The following ANKRD37 variants were observed in gnomAD, a reference collection of about 807,000 sequenced individuals.
The protein encoded by ANKRD37 is ankyrin repeat domain-containing protein 37.
A neutral mutation model predicts 19.7 loss-of-function variants in ANKRD37; 17 were observed. That is an observed-to-expected ratio of 0.86 (90% CI 0.59 to 1.29). The LOEUF is 1.29. Ranked by LOEUF, ANKRD37 falls within the 50% of genes most tolerant of loss-of-function variation. ANKRD37 has a pLI of 0.00. For missense variants in ANKRD37, 207 were observed against 190.4 expected, an observed-to-expected ratio of 1.09 and a Z score of -0.51; for synonymous variants, 79 against 74.5, an observed-to-expected ratio of 1.06 and a Z score of -0.31.
intron 2 of ANKRD37, among the ~76,000 whole-genome samples, chr4:185,398,631 T>A (rs1580039302): frequency 6.6e-6 from 1 of 152,172 alleles, no homozygotes; most frequent in East Asian, 1.9e-4. Flanking sequence ...GTAGTGTTTT[T>A]AATTAGAAGA....
chr4:185,396,855 G>C lies in ANKRD37; in HGVS notation c.-69G>C, dbSNP rs1166868966. The C allele has an allele frequency of 6.5e-7, 1 of 1,539,406 alleles. No homozygotes were observed. The highest frequency in any genetic ancestry group is 8.9e-7 in the Non-Finnish European group (1 of 1,117,736). ...AGGGCCAGCCTGCGCATTCTTACCT[G>C]TCGGGGTGCGGCGAGTGTCTCACCT... On this transcript the variant is annotated 5_prime_UTR_variant, in exon 1 of 5. Coordinates refer to ENST00000335174, the MANE Select transcript of ANKRD37 (RefSeq NM_181726.4).
chr4:185,399,693 C>CA lies in ANKRD37; in HGVS notation c.397dup (p.Arg133LysfsTer3), dbSNP rs1227509005. ...CAATAAAAGCAAGTGAACACCCTGACAGGAATGATTGTGTTGCCGTGCTCA... is the reference window on the plus strand; with the variant it reads ...CAATAAAAGCAAGTGAACACCCTGACAAGGAATGATTGTGTTGCCGTGCTCA... On this transcript the variant is annotated frameshift_variant, in exon 4 of 5. Transcript: ENST00000335174. LOFTEE classifies it high-confidence loss of function. 1 of 1,614,140 alleles carries CA rather than the reference C, an allele frequency of 6.2e-7. No individual in the cohort carries two copies. The highest frequency in any genetic ancestry group is 1.3e-5 in the African/African-American group (1 of 75,028).
rs1288276693 is a variant in ANKRD37 at position 185,397,191 on chromosome 4, C to G, written c.69C>G (p.Val23=). 7.4e-6 allele frequency: 12 copies of G among 1,613,776 alleles called. No homozygotes were observed. Among genetic ancestry groups the G allele is most frequent in the Non-Finnish European group, 1.0e-5 (12 of 1,180,032 alleles). ...LKHLLETGAS[V]NAPPDPCKQS... ...ATTTGCTGGAGACAGGGGCCTCGGT[C>G]AACGCACCCCCGGATCCCTGCAAGC... Residue 23 remains valine (V), a synonymous_variant, in exon 2 of 5, where the codon GTC becomes GTG. Coordinates refer to ENST00000335174, the MANE Select transcript of ANKRD37 (RefSeq NM_181726.4).
At chr4:185,397,020 T>TAATGCGGGGAAC (rs1256276549) in intron 1 of ANKRD37, 70 bp downstream of exon 1, 4 of 1,610,704 alleles carry the variant, frequency 2.5e-6, no homozygotes, top group Admixed American at 3.3e-5. Flanking sequence ...GTCTTCTCGT[T>TAATGCGGGGAAC]AATGCGGGGA....
rs150877173 is a variant in ANKRD37, at chr4:185,400,062, T to C, written c.*45T>C. 1,189 of 1,519,586 alleles carry C rather than the reference T, an allele frequency of 7.8e-4. 9 individuals carry two copies. The African/African-American group carries it at 0.015, about 19-fold the overall frequency. 94.1% of individuals were successfully genotyped at this position (1,519,586 alleles called of 1,614,324 possible). On this transcript the variant is annotated 3_prime_UTR_variant, in exon 5 of 5. Transcript: ENST00000335174. ...AAGTCTGAAGAACGCCTTCATTTCA[T>C]GCAAATCTATAAGCTCCTGCTTTTG...
In ANKRD37 at chr4:185,396,870, G is replaced by A; in HGVS notation, c.-54G>A. 2.5e-6 allele frequency: 4 copies of A among 1,596,792 alleles called. No homozygotes were observed. Among genetic ancestry groups the A allele is most frequent in the Admixed American group, 1.7e-5 (1 of 59,962 alleles). ...ATTCTTACCTGTCGGGGTGCGGCGA[G>A]TGTCTCACCTCTCTGCACTTCCAAG... On this transcript the variant is annotated 5_prime_UTR_variant, in exon 1 of 5. It adds an upstream start codon to the 5' untranslated region. Coordinates refer to ENST00000335174, the MANE Select transcript of ANKRD37 (RefSeq NM_181726.4).
At chr4:185,398,422 A>G (rs1208701295) in intron 2 of ANKRD37, among the ~76,000 whole-genome samples, 2 of 152,242 alleles carry the variant, frequency 1.3e-5, no homozygotes, top group South Asian at 4.1e-4. Flanking sequence ...ACTGAAATGA[A>G]TATGCAAGCA....
downstream of ANKRD37, chr4:185,400,521 C>G (rs375238489): frequency 5.7e-5 from 83 of 1,459,422 alleles, no homozygotes; most frequent in Non-Finnish European, 7.6e-5. Context: ...TACAAAGTTA[C>G]AAGATTATGT....
intron 2 of ANKRD37, chr4:185,397,655 G>C (rs922180032): frequency 4.4e-6 from 1 of 228,518 alleles, no homozygotes; most frequent in Non-Finnish European, 8.8e-6. Flanking sequence ...GTGTGACAGC[G>C]TATCTCAAAT....
At chr4:185,398,286 A>G (rs2095508183) in intron 2 of ANKRD37, among the ~76,000 whole-genome samples, 1 of 152,226 alleles carries the variant, frequency 6.6e-6, no homozygotes, top group Non-Finnish European at 1.5e-5. Flanking sequence ...AAACGGTATG[A>G]AAAAGCAAAC....
intron 4 of ANKRD37, 34 bp downstream of exon 4, chr4:185,399,807 C>G: frequency 6.2e-7 from 1 of 1,612,194 alleles, no homozygotes; most frequent in Non-Finnish European, 8.5e-7. Flanking sequence ...TTTTTCCTCC[C>G]GCAGTGATCT....
At chr4:185,400,679 G>A (rs1403857263), downstream of ANKRD37, 1 of 408,300 alleles carries the variant, frequency 2.4e-6, no homozygotes, top group African/African-American at 2.1e-5. Flanking sequence ...TTAATTCTAT[G>A]TATGTAATTC....
chr4:185,398,183 C>G (rs1410014852), intron 2 of ANKRD37, among the ~76,000 whole-genome samples: 1 of 152,192 alleles, frequency 6.6e-6, no homozygotes, highest in East Asian at 1.9e-4. Flanking sequence ...GTCTCGAACT[C>G]CTGACCTTAG....
downstream of ANKRD37, chr4:185,400,414 G>A (rs1230037634): frequency 6.2e-7 from 1 of 1,613,310 alleles, no homozygotes; most frequent in Non-Finnish European, 8.5e-7. Flanking sequence ...TGGTCGCTGA[G>A]GAAGACATAA....
intron 2 of ANKRD37, among the ~76,000 whole-genome samples, chr4:185,397,873 T>TA (rs1358456472): frequency 1.3e-5 from 2 of 152,256 alleles, no homozygotes; most frequent in African/African-American, 4.8e-5. Context: ...CACTGAATAT[T>TA]AAAGCATGGT....
In ANKRD37 at chr4:185,399,035, A is replaced by G. The variant is rs778082393; in HGVS notation, c.272+7A>G. 2 of 1,612,296 alleles carry G rather than the reference A, an allele frequency of 1.2e-6. No homozygotes were observed. The highest frequency in any genetic ancestry group is 1.7e-6 in the Non-Finnish European group (2 of 1,178,506). Reference sequence around the variant, plus strand: ...CCAGTGATGCCCAAATTGAGTGAGTATGAAAACAGTGGCTTCACATTTTAT... The same window carrying G: ...CCAGTGATGCCCAAATTGAGTGAGTGTGAAAACAGTGGCTTCACATTTTAT... On this transcript the variant is annotated splice_region_variant and intron_variant, in intron 3 of 4. Coordinates refer to ENST00000335174, the MANE Select transcript of ANKRD37 (RefSeq NM_181726.4).
intron 3 of ANKRD37, among the ~76,000 whole-genome samples, chr4:185,399,344 A>C (rs2095510258): frequency 6.6e-6 from 1 of 152,170 alleles, no homozygotes; most frequent in Non-Finnish European, 1.5e-5. Flanking sequence ...TGTATTAAAC[A>C]TCAGATAATT....
chr4:185,397,225 G>A lies in ANKRD37; in HGVS notation c.103G>A (p.Val35Ile), dbSNP rs1414613084. The part of the protein sequence containing the change: ...APPDPCKQSP[V>I]HLAAGSGLAC... The stretch of plus-strand genomic sequence containing the variant: ...CCCGGATCCCTGCAAGCAGTCGCCT[G>A]TCCACTTAGCCGCAGGAAGCGGCCT... The change falls in exon 2 of 5, where the codon GTC becomes ATC. Residue 35 changes from valine to isoleucine, a missense_variant. Transcript: ENST00000335174. 4 of 1,614,030 alleles carry A rather than the reference G, an allele frequency of 2.5e-6. No individual in the cohort carries two copies. The Admixed American group carries it at 6.7e-5, about 27-fold the overall frequency.
rs372010732 is a variant in ANKRD37 at position 185,399,728 on chromosome 4, G to C, written c.431G>C (p.Arg144Pro). Residue 144 changes from arginine to proline, a missense_variant, in exon 4 of 5, where the codon CGG (arginine) becomes CCG (proline). By Grantham distance (103) the Arg-to-Pro change is moderately radical (BLOSUM62 -2). Coordinates refer to ENST00000335174, the MANE Select transcript of ANKRD37 (RefSeq NM_181726.4). ...NDCVAVLRQK[R>P]SLGSVENTSG... is the part of the protein sequence containing the mutation. ...TGTGTTGCCGTGCTCAGACAGAAACGGAGTCTCGGAAGTGTAGAAAATACC... is the reference window on the plus strand; with the variant it reads ...TGTGTTGCCGTGCTCAGACAGAAACCGAGTCTCGGAAGTGTAGAAAATACC... 1 of 1,614,136 alleles carries C rather than the reference G, an allele frequency of 6.2e-7. No homozygotes were observed. The highest frequency in any genetic ancestry group is 1.1e-5 in the South Asian group (1 of 91,076).
Sources: gnomAD v4.1 joint callset for allele counts (sites outside exome capture counted in the v4.1 genomes callset) on GRCh38, gnomAD v4.1.1 for gene constraint, MANE v1.5 for transcripts, NCBI Gene and HGNC (gene_info 2026-07-23, HGNC 2026-07-21) for gene names.